LRGUK: variants seen among roughly 807,000 people sequenced by gnomAD.
LRGUK encodes leucine rich repeats and guanylate kinase domain containing.
Under a neutral mutation model 76.0 loss-of-function variants are expected in LRGUK, and 65 were observed. The ratio of observed to expected loss-of-function variants is 0.85; its 90% CI spans 0.70 to 1.05. LRGUK has a LOEUF of 1.05. Ranked by LOEUF, LRGUK falls within the 50% of genes least tolerant of loss-of-function variation. The pLI, the probability that LRGUK is intolerant of heterozygous loss-of-function variation, is 0.00. For synonymous variants in LRGUK, 268 were observed against 265.6 expected (o/e 1.01, Z -0.09); for missense variants, 758 against 732.8 (o/e 1.03, Z -0.40).
At chr7:134,150,291 A>C (rs1331402194) in intron 5 of LRGUK, among the ~76,000 whole-genome samples, 33 of 146,154 alleles carry the variant, frequency 2.3e-4, no homozygotes, top group Admixed American at 1.4e-3. Context: ...AACAAAAAAA[A>C]CAAAAAAAAA....
intron 15 of LRGUK, among the ~76,000 whole-genome samples, chr7:134,204,200 G>A (rs375198591): frequency 8.5e-4 from 129 of 152,298 alleles, no homozygotes; most frequent in African/African-American, 2.8e-3. Flanking sequence ...GTGAGAGTCC[G>A]TCTCTGTATC....
chr7:134,219,993 T>C (rs1428560073), intron 15 of LRGUK, among the ~76,000 whole-genome samples: 1 of 152,150 alleles, frequency 6.6e-6, no homozygotes, highest in African/African-American at 2.4e-5. Context: ...TTTAACGTGT[T>C]ATTTGTCCGA....
chr7:134,173,442 G>A (rs528191642), intron 7 of LRGUK, among the ~76,000 whole-genome samples: 9 of 152,164 alleles, frequency 5.9e-5, no homozygotes, highest in Non-Finnish European at 1.3e-4. Context: ...AAATGAAAAA[G>A]TGATGATTAA....
chr7:134,143,476 C>T (rs994794523), intron 4 of LRGUK, among the ~76,000 whole-genome samples: 5 of 151,992 alleles, frequency 3.3e-5, no homozygotes, highest in Non-Finnish European at 5.9e-5. Flanking sequence ...TATAGTGGAA[C>T]AATTTTTTAA....
intron 3 of LRGUK, 152 bp downstream of exon 3, chr7:134,139,669 C>T (rs1797687192): frequency 7.4e-6 from 4 of 539,912 alleles, no homozygotes; most frequent in East Asian, 3.3e-5. Flanking sequence ...AAAAAGGCAC[C>T]GATAACTGCT....
At chr7:134,162,216 G>A (rs951487682) in intron 6 of LRGUK, among the ~76,000 whole-genome samples, 2 of 152,164 alleles carry the variant, frequency 1.3e-5, no homozygotes, top group African/African-American at 4.8e-5. Context: ...AGGCTCAGCT[G>A]GGAGGTTCTT....
At chr7:134,129,286 ACT>A (rs1188097482) in intron 1 of LRGUK, among the ~76,000 whole-genome samples, 15 of 35,098 alleles carry the variant, frequency 4.3e-4, no homozygotes, top group Non-Finnish European at 7.0e-4. Context: ...CCCTCCCTCC[ACT>A]CTGTCTCTCT....
intron 10 of LRGUK, among the ~76,000 whole-genome samples, chr7:134,179,714 T>G (rs1291267860): frequency 6.6e-6 from 1 of 152,216 alleles, no homozygotes; most frequent in Non-Finnish European, 1.5e-5. Context: ...CAGTGTTTGA[T>G]AAACACATAT....
intron 7 of LRGUK, among the ~76,000 whole-genome samples, chr7:134,167,207 G>A (rs886142897): frequency 4.6e-5 from 7 of 152,220 alleles, no homozygotes; most frequent in African/African-American, 1.4e-4. Flanking sequence ...CCCAAGGCAG[G>A]ATACCCTGAT....
rs576925190 is a variant in LRGUK, at chr7:134,132,883, G to A, written c.298-4140G>A. ...TGAGAGCTTCCGTTTTGCCTCAGAAGTAGAAGAGAAGGGCATTAGTGGAGA... is the reference window on the plus strand; with the variant it reads ...TGAGAGCTTCCGTTTTGCCTCAGAAATAGAAGAGAAGGGCATTAGTGGAGA... On this transcript the variant is annotated intron_variant, in intron 1 of 15. Transcript: ENST00000645682. Among the ~76,000 whole-genome samples, 37 of 152,340 alleles carry A rather than the reference G, an allele frequency of 2.4e-4. No homozygotes were observed. In the South Asian group the frequency reaches 7.3e-3, roughly 30 times the overall value.
intron 7 of LRGUK, among the ~76,000 whole-genome samples, chr7:134,173,868 T>C (rs1799366677): frequency 6.6e-6 from 1 of 152,124 alleles, no homozygotes; most frequent in Non-Finnish European, 1.5e-5. Flanking sequence ...CCCAGAACTT[T>C]GGGAGGCTGT....
At chr7:134,249,802 C>T (rs1802399811) in intron 18 of LRGUK, among the ~76,000 whole-genome samples, 1 of 152,206 alleles carries the variant, frequency 6.6e-6, no homozygotes, top group South Asian at 2.1e-4. Context: ...CATTCTACTA[C>T]ATTTTGTTTC....
At chr7:134,260,790 A>G (rs1802703548) in intron 19 of LRGUK, among the ~76,000 whole-genome samples, 1 of 152,170 alleles carries the variant, frequency 6.6e-6, no homozygotes, top group Non-Finnish European at 1.5e-5. Context: ...TTGAGATCCC[A>G]GCTATGCCTG....
chr7:134,142,126 A>G (rs1797791592), intron 3 of LRGUK, among the ~76,000 whole-genome samples: 1 of 152,166 alleles, frequency 6.6e-6, no homozygotes, highest in Admixed American at 6.5e-5. Flanking sequence ...TCGGGTGAGG[A>G]GGCTCCATTC....
At chr7:134,173,742 T>C (rs1308161136) in intron 7 of LRGUK, among the ~76,000 whole-genome samples, 6 of 152,104 alleles carry the variant, frequency 3.9e-5, no homozygotes, top group African/African-American at 1.4e-4. Context: ...CATCAAGAAA[T>C]ATGTCATACA....
At chr7:134,162,293 G>A (rs903433260) in intron 6 of LRGUK, among the ~76,000 whole-genome samples, 7 of 152,066 alleles carry the variant, frequency 4.6e-5, no homozygotes, top group African/African-American at 1.4e-4. Context: ...AGGCTGGGAT[G>A]GCAAGGTTTT....
At chr7:134,207,429 T>C (rs563518338) in intron 15 of LRGUK, among the ~76,000 whole-genome samples, 1 of 152,336 alleles carries the variant, frequency 6.6e-6, no homozygotes, top group Admixed American at 6.5e-5. Flanking sequence ...TTGTCTAAGC[T>C]AGTATTTCAG....
chr7:134,154,204 CT>C (rs887551830), intron 5 of LRGUK, among the ~76,000 whole-genome samples: 4 of 152,148 alleles, frequency 2.6e-5, no homozygotes, highest in African/African-American at 4.8e-5. Flanking sequence ...TGATACTGGT[CT>C]TTTAAAATTA....
chr7:134,178,501 A>C lies in LRGUK; in HGVS notation c.1108-2A>C. 6.3e-7 allele frequency: 1 copy of C among 1,596,880 alleles called. No individual in the cohort carries two copies. Among genetic ancestry groups the C allele is most frequent in the South Asian group, 1.1e-5 (1 of 87,622 alleles). On this transcript the variant is annotated splice_acceptor_variant, in intron 9 of 15. Coordinates refer to ENST00000645682, the Ensembl canonical transcript of LRGUK. LOFTEE classifies it high-confidence loss of function. ...CCTTTTACATCTCTAATTCTGGAAA[A>C]GGTTTCAGCAGTGAATAAATATGAT...
Sources: allele counts gnomAD v4.1 joint callset (sites outside exome capture counted in the v4.1 genomes callset), GRCh38; gene constraint gnomAD v4.1.1; transcripts MANE v1.5; gene names NCBI Gene and HGNC (gene_info 2026-07-23, HGNC 2026-07-21).